The following MTTP variants were observed in gnomAD, a reference collection of about 807,000 sequenced individuals.
The protein encoded by MTTP is microsomal triglyceride transfer protein.
Under a neutral mutation model 90.6 loss-of-function variants are expected in MTTP, and 49 were observed. The observed-to-expected ratio is 0.54, with a 90% confidence interval of 0.43 to 0.69. The LOEUF is 0.69. Ranked by LOEUF, MTTP falls within the 30% of genes least tolerant of loss-of-function variation. MTTP has a pLI of 0.00. For missense variants in MTTP, 945 were observed against 1,067.5 expected, an observed-to-expected ratio of 0.89 and a Z score of 1.60; for synonymous variants, 347 against 384.2, an observed-to-expected ratio of 0.90 and a Z score of 1.13.
intron 7 of MTTP, among the ~76,000 whole-genome samples, chr4:99,595,855 T>C (rs1725540138): frequency 6.6e-6 from 1 of 152,050 alleles, no homozygotes. Context: ...TAAACTTTTC[T>C]TATGCTCTGC....
At chr4:99,583,017 G>T (rs1052227694) in intron 2 of MTTP, among the ~76,000 whole-genome samples, 1 of 152,002 alleles carries the variant, frequency 6.6e-6, no homozygotes, top group Non-Finnish European at 1.5e-5. Flanking sequence ...ATAGGGCAGG[G>T]GTCCTTTCCA....
intron 1 of MTTP, among the ~76,000 whole-genome samples, chr4:99,580,925 C>A (rs1391352812): frequency 6.6e-6 from 1 of 152,084 alleles, no homozygotes; most frequent in Non-Finnish European, 1.5e-5. Context: ...TCTAGTCACC[C>A]CAAACCCCTT....
chr4:99,599,116 G>A (rs969002990), intron 8 of MTTP, among the ~76,000 whole-genome samples: 1 of 152,136 alleles, frequency 6.6e-6, no homozygotes. Context: ...CCTGTAATTT[G>A]CAGGAAGTTA....
intron 10 of MTTP, 128 bp from the exon 11 acceptor site, chr4:99,606,620 G>A: frequency 2.2e-6 from 2 of 891,328 alleles, no homozygotes; most frequent in Non-Finnish European, 3.7e-6. Context: ...GTGTGCCTCA[G>A]TCAAGCAACC....
chr4:99,612,366 CT>C (rs111611870), intron 14 of MTTP, among the ~76,000 whole-genome samples: 20,894 of 134,722 alleles, frequency 0.16, 1,759 homozygotes, highest in East Asian at 0.44. Context: ...TGTTTATCGA[CT>C]TTTTTTTTTT....
chr4:99,620,829 AG>A, intron 16 of MTTP: 2 of 554,074 alleles, frequency 3.6e-6, no homozygotes, highest in Non-Finnish European at 6.5e-6. Context: ...CTGCAACTGA[AG>A]GCAGGGGAGA....
intron 3 of MTTP, chr4:99,584,334 G>A: frequency 6.6e-6 from 1 of 151,936 alleles, no homozygotes; most frequent in South Asian, 2.1e-4. Flanking sequence ...GGAACATTGA[G>A]TTATAATTCC....
At chr4:99,565,832 G>A (rs952221826) in intron 1 of MTTP, among the ~76,000 whole-genome samples, 1 of 152,196 alleles carries the variant, frequency 6.6e-6, no homozygotes, top group Non-Finnish European at 1.5e-5. Context: ...ATTGGGAACA[G>A]TGAAAGCAAA....
Position 99,611,541 on chromosome 4 carries a change from T to C in MTTP, c.1989+88T>C, listed in dbSNP as rs142572690. On this transcript the variant is annotated intron_variant, in intron 14 of 17. Coordinates refer to ENST00000265517, the MANE Select transcript of MTTP (RefSeq NM_001386140.1). ...AAAACATATATGCTGTGGGTAATGC[T>C]ATAGAATGTATAAGTTAATGGTGGC... The C allele has an allele frequency of 1.7e-4, 264 of 1,508,710 alleles. No homozygotes were observed. In the African/African-American group the frequency reaches 2.9e-3, roughly 17 times the overall value. The allele number at this position is 1,508,710 out of a possible 1,614,324, so 93.5% of individuals were successfully genotyped here. A position where few individuals can be genotyped will look rare whatever the true frequency, so the allele number is the denominator to read the frequency against.
chr4:99,609,624 G>A (rs948899714), intron 12 of MTTP, among the ~76,000 whole-genome samples: 10 of 152,068 alleles, frequency 6.6e-5, no homozygotes, highest in South Asian at 2.1e-4. Context: ...CTACCCCCAC[G>A]AAAGATCAGA....
At chr4:99,593,978 G>A (rs545445569) in intron 6 of MTTP, among the ~76,000 whole-genome samples, 3 of 152,238 alleles carry the variant, frequency 2.0e-5, no homozygotes, top group South Asian at 4.2e-4. Context: ...GTTTCAGACA[G>A]TCAAACTATT....
chr4:99,611,446 G>C lies in MTTP; in HGVS notation c.1982G>C (p.Gly661Ala). The change falls in exon 14 of 18, where the codon GGT becomes GCT. Residue 661 changes from glycine (G) to alanine (A), a missense_variant. Coordinates refer to ENST00000265517, the MANE Select transcript of MTTP (RefSeq NM_001386140.1). ...FQYIGKAGLH[G>A]SQVVIEAQGL... Reference sequence around the variant, plus strand: ...TACATTGGGAAGGCTGGTCTTCACGGTAGCCAGGTAACTCACTTCTCATGG... The same window carrying C: ...TACATTGGGAAGGCTGGTCTTCACGCTAGCCAGGTAACTCACTTCTCATGG... 1 of 1,614,020 alleles carries C rather than the reference G, an allele frequency of 6.2e-7. No homozygotes were observed. Among genetic ancestry groups the C allele is most frequent in the Non-Finnish European group, 8.5e-7 (1 of 1,179,914 alleles).
At chr4:99,607,073 T>C in intron 11 of MTTP, 113 bp downstream of exon 11, 1 of 900,166 alleles carries the variant, frequency 1.1e-6, no homozygotes, top group South Asian at 1.5e-5. Context: ...CCAAATAGTC[T>C]TCTCTCCTGC....
intron 10 of MTTP, among the ~76,000 whole-genome samples, chr4:99,604,875 A>G (rs1358232065): frequency 6.6e-6 from 1 of 152,148 alleles, no homozygotes; most frequent in Non-Finnish European, 1.5e-5. Context: ...TGCCATACTG[A>G]TATTACTACA....
chr4:99,592,499 G>A (rs1725454534), intron 6 of MTTP, among the ~76,000 whole-genome samples: 1 of 151,610 alleles, frequency 6.6e-6, no homozygotes, highest in African/African-American at 2.4e-5. Flanking sequence ...ATCTTTATAA[G>A]CTTTTTTCTA....
intron 10 of MTTP, among the ~76,000 whole-genome samples, chr4:99,606,118 A>T (rs1183022036): frequency 6.6e-6 from 1 of 152,156 alleles, no homozygotes; most frequent in Admixed American, 6.5e-5. Flanking sequence ...CTTTCCCATT[A>T]AACTATTAAC....
rs1209888706 is a variant in MTTP at position 99,591,774 on chromosome 4, G to A, written c.742G>A (p.Gly248Arg). The change falls in exon 6 of 18, where the codon GGG (glycine) becomes AGG (arginine). Residue 248 changes from glycine to arginine, a missense_variant. Gly to Arg is a moderately radical substitution (Grantham distance 125). Coordinates refer to ENST00000265517, the MANE Select transcript of MTTP (RefSeq NM_001386140.1). ...FGLNFLQTIK[G>R]KIVSKQKLEL... ...ACTGAATTTCCTACAAACCATTAAG[G>A]GGAAAATAGTATCGAAGTAAGATAA... The A allele has an allele frequency of 1.9e-6, 3 of 1,612,300 alleles. No homozygotes were observed. The highest frequency in any genetic ancestry group is 8.5e-7 in the Non-Finnish European group (1 of 1,178,742).
chr4:99,568,834 TAACCC>T (rs1300107213), intron 1 of MTTP, among the ~76,000 whole-genome samples: 2 of 152,136 alleles, frequency 1.3e-5, no homozygotes, highest in Non-Finnish European at 2.9e-5. Context: ...GATTCAACCT[TAACCC>T]AAAGTATAAA....
intron 1 of MTTP, among the ~76,000 whole-genome samples, chr4:99,576,622 G>A (rs1461990963): frequency 1.3e-4 from 19 of 146,294 alleles, no homozygotes; most frequent in South Asian, 6.5e-4. Flanking sequence ...GTGAACCCGG[G>A]AGGCGGAGCT....
Sources: allele counts gnomAD v4.1 joint callset (sites outside exome capture counted in the v4.1 genomes callset), GRCh38; gene constraint gnomAD v4.1.1; transcripts MANE v1.5; gene names NCBI Gene and HGNC (gene_info 2026-07-23, HGNC 2026-07-21).